Variants in KCNIP1 observed in about 807,000 individuals in gnomAD.
KCNIP1 encodes the protein potassium voltage-gated channel interacting protein 1, also known as A-type potassium channel modulatory protein KCNIP1.
In KCNIP1, 18 loss-of-function variants were observed where a neutral mutation model predicts 33.0. The ratio of observed to expected loss-of-function variants is 0.55; its 90% CI spans 0.38 to 0.81. The LOEUF is 0.81. Ranked by LOEUF, KCNIP1 falls within the 30% of genes least tolerant of loss-of-function variation. The pLI is 0.00. For synonymous variants in KCNIP1, 93 were observed against 98.3 expected (o/e 0.95, Z 0.32); for missense variants, 238 against 271.6 (o/e 0.88, Z 0.87).
chr5:170,427,112 GA>G (rs1755632083), intron 1 of KCNIP1, among the ~76,000 whole-genome samples: 1 of 152,360 alleles, frequency 6.6e-6, no homozygotes, highest in Middle Eastern at 3.4e-3. Context: ...GGGTAGGGGA[GA>G]GTCATGGCCT....
intron 1 of KCNIP1, among the ~76,000 whole-genome samples, chr5:170,451,771 T>TGTGTGTGTG (rs1554093584): frequency 8.3e-4 from 42 of 50,430 alleles, no homozygotes; most frequent in Middle Eastern, 0.011. Flanking sequence ...GTGTGTGTGT[T>TGTGTGTGTG]TGCAGGGGGA....
chr5:170,691,209 G>A (rs1390286895), intron 1 of KCNIP1, among the ~76,000 whole-genome samples: 2 of 152,216 alleles, frequency 1.3e-5, no homozygotes, highest in African/African-American at 4.8e-5. Flanking sequence ...GGACTCTAGA[G>A]CCAGCAGCAA....
At chr5:170,549,346 G>A (rs1162849633) in intron 1 of KCNIP1, among the ~76,000 whole-genome samples, 1 of 152,152 alleles carries the variant, frequency 6.6e-6, no homozygotes, top group Non-Finnish European at 1.5e-5. Flanking sequence ...TGCAAGTGCA[G>A]TTTCGTTATA....
chr5:170,716,361 T>TA (rs1416462727), intron 1 of KCNIP1, among the ~76,000 whole-genome samples: 4 of 152,338 alleles, frequency 2.6e-5, no homozygotes, highest in Middle Eastern at 6.8e-3. Flanking sequence ...TGGGTTGTGA[T>TA]TTAAATTACA....
intron 1 of KCNIP1, among the ~76,000 whole-genome samples, chr5:170,535,862 G>A (rs1755965651): frequency 6.6e-6 from 1 of 152,186 alleles, no homozygotes; most frequent in Non-Finnish European, 1.5e-5. Context: ...CTGCAGCTCG[G>A]TGTGAACTGC....
intron 1 of KCNIP1, among the ~76,000 whole-genome samples, chr5:170,403,103 C>T (rs1211612801): frequency 2.6e-5 from 4 of 152,174 alleles, no homozygotes; most frequent in Non-Finnish European, 4.4e-5. Context: ...TACTTTGGCT[C>T]TCAGTTCTCC....
At chr5:170,575,804 T>G (rs1274495641) in intron 1 of KCNIP1, among the ~76,000 whole-genome samples, 1 of 152,238 alleles carries the variant, frequency 6.6e-6, no homozygotes, top group Non-Finnish European at 1.5e-5. Context: ...GGGAGAGGAC[T>G]GCTAAAAATA....
At chr5:170,357,081 A>C (rs1226749275) in intron 1 of KCNIP1, among the ~76,000 whole-genome samples, 1 of 150,996 alleles carries the variant, frequency 6.6e-6, no homozygotes, top group Non-Finnish European at 1.5e-5. Context: ...CTCTATTTTT[A>C]TTTGTTTTAT....
chr5:170,600,502 TGGTAGCACCA>T (rs1388412612), intron 1 of KCNIP1, among the ~76,000 whole-genome samples: 1 of 152,166 alleles, frequency 6.6e-6, no homozygotes, highest in African/African-American at 2.4e-5. Flanking sequence ...ACGTAGCACC[TGGTAGCACCA>T]GGTAGCACCC....
At chr5:170,584,611 G>A (rs1278429958) in intron 1 of KCNIP1, among the ~76,000 whole-genome samples, 1 of 152,200 alleles carries the variant, frequency 6.6e-6, no homozygotes, top group Admixed American at 6.5e-5. Flanking sequence ...GTCTGCACGA[G>A]GCGTGGAGGG....
At chr5:170,682,180 T>C (rs1762374967) in intron 1 of KCNIP1, among the ~76,000 whole-genome samples, 2 of 152,232 alleles carry the variant, frequency 1.3e-5, no homozygotes, top group South Asian at 4.1e-4. Context: ...AGGTAAGCCC[T>C]GGAGTAAGAG....
chr5:170,633,232 C>G (rs1180219173), intron 1 of KCNIP1, among the ~76,000 whole-genome samples: 1 of 151,816 alleles, frequency 6.6e-6, no homozygotes, highest in Non-Finnish European at 1.5e-5. Flanking sequence ...CGGGACCCTC[C>G]GAAGTGGGAG....
At chr5:170,606,439 G>C (rs543928746) in intron 1 of KCNIP1, among the ~76,000 whole-genome samples, 1 of 152,082 alleles carries the variant, frequency 6.6e-6, no homozygotes, top group African/African-American at 2.4e-5. Flanking sequence ...TGGGTGTGAG[G>C]CTCTTTTTAC....
chr5:170,356,592 T>TC (rs1347745106), intron 1 of KCNIP1, among the ~76,000 whole-genome samples: 1 of 152,206 alleles, frequency 6.6e-6, no homozygotes, highest in Non-Finnish European at 1.5e-5. Flanking sequence ...CTATCCCTGA[T>TC]CATAATTTGT....
chr5:170,409,064 A>G (rs1038221865), intron 1 of KCNIP1, among the ~76,000 whole-genome samples: 5 of 152,154 alleles, frequency 3.3e-5, no homozygotes, highest in Non-Finnish European at 7.4e-5. Flanking sequence ...GCTCTATTCT[A>G]GGGACCCAAC....
intron 1 of KCNIP1, chr5:170,681,272 G>T (rs545707705): frequency 5.0e-6 from 2 of 396,430 alleles, no homozygotes; most frequent in East Asian, 7.2e-5. Flanking sequence ...GGAAATGAGG[G>T]CGGAGACCCG....
chr5:170,379,104 A>T (rs998230606), intron 1 of KCNIP1: 1 of 1,116,726 alleles, frequency 9.0e-7, no homozygotes, highest in Non-Finnish European at 1.3e-6. Flanking sequence ...TTTGGTCTAA[A>T]GCTTGGCAGG....
chr5:170,541,076 A>G (rs1756188882), intron 1 of KCNIP1, among the ~76,000 whole-genome samples: 2 of 152,198 alleles, frequency 1.3e-5, no homozygotes, highest in Non-Finnish European at 2.9e-5. Context: ...TTCTCCAGCT[A>G]TGAAGTATGA....
chr5:170,419,411 C>G (rs1755419331), intron 1 of KCNIP1, among the ~76,000 whole-genome samples: 1 of 152,188 alleles, frequency 6.6e-6, no homozygotes, highest in South Asian at 2.1e-4. Flanking sequence ...CCACCACTCC[C>G]CCAGTCTAGA....
Sources: allele counts gnomAD v4.1 joint callset (sites outside exome capture counted in the v4.1 genomes callset), GRCh38; gene constraint gnomAD v4.1.1; transcripts MANE v1.5; gene names NCBI Gene and HGNC (gene_info 2026-07-23, HGNC 2026-07-21).